Variants in DMBT1 observed in about 807,000 individuals in gnomAD.
The protein encoded by DMBT1 is deleted in malignant brain tumors 1.
In DMBT1, 198 loss-of-function variants were observed where a neutral mutation model predicts 252.9. That is an observed-to-expected ratio of 0.78 (90% CI 0.70 to 0.88). The LOEUF (loss-of-function observed/expected upper bound fraction) is 0.88, where lower values mean the gene tolerates loss of function less well. Ranked by LOEUF, DMBT1 falls within the 40% of genes least tolerant of loss-of-function variation. The probability of loss-of-function intolerance (pLI) is 0.00; values close to 1 mark genes in which losing one functional copy is unlikely to be tolerated. For synonymous variants in DMBT1, 990 were observed against 942.7 expected, an observed-to-expected ratio of 1.05 and a Z score of -0.92; for missense variants, 2,432 against 2,404.7, an observed-to-expected ratio of 1.01 and a Z score of -0.24.
chr10:122,570,512 C>T (rs920436254), intron 3 of DMBT1, among the ~76,000 whole-genome samples: 5 of 152,180 alleles, frequency 3.3e-5, no homozygotes, highest in African/African-American at 4.8e-5. Flanking sequence ...ACCACCTTCT[C>T]GGGAATATTT....
Position 122,577,790 on chromosome 10 carries a change from G to A in DMBT1, c.608-21G>A, listed in dbSNP as rs1437529085. The A allele has an allele frequency of 5.0e-6, 8 of 1,613,630 alleles. No homozygotes were observed. In the Admixed American group the frequency reaches 1.0e-4, roughly 20 times the overall value. ...AGTCACTGAGTGTTTGGTGTCTAAT[G>A]TTGCTATTTTTTTCTCACAGCTGCC... On this transcript the variant is annotated intron_variant, in intron 7 of 55. Coordinates refer to ENST00000338354, the MANE Select transcript of DMBT1 (RefSeq NM_001377530.1).
chr10:122,626,882 G>C (rs890307799), intron 46 of DMBT1, among the ~76,000 whole-genome samples: 2 of 152,172 alleles, frequency 1.3e-5, no homozygotes, highest in African/African-American at 4.8e-5. Flanking sequence ...GTTAATAGAG[G>C]AGCAGGTTCA....
At chr10:122,589,363 A>G (rs981973834) in intron 17 of DMBT1, 96 bp downstream of exon 17, 15 of 1,523,230 alleles carry the variant, frequency 9.8e-6, no homozygotes, top group South Asian at 6.5e-5. Context: ...AGCTTTTTCA[A>G]CCTTTCCTAT....
At chr10:122,618,376 T>C (rs2098021967) in intron 41 of DMBT1, 36 bp downstream of exon 41, 2 of 1,613,632 alleles carry the variant, frequency 1.2e-6, no homozygotes, top group Middle Eastern at 1.7e-4. Flanking sequence ...CTCTCTTAAG[T>C]TGAAGTTTGC....
chr10:122,618,450 A>C, intron 41 of DMBT1, 110 bp downstream of exon 41: 1 of 1,558,886 alleles, frequency 6.4e-7, no homozygotes. Context: ...TGTTTTCTAT[A>C]TTTCTGAAGT....
chr10:122,600,567 G>C (rs1423203896), intron 27 of DMBT1, among the ~76,000 whole-genome samples: 1 of 152,204 alleles, frequency 6.6e-6, no homozygotes, highest in Non-Finnish European at 1.5e-5. Flanking sequence ...CTTGGGCAGG[G>C]AGAGGGATAA....
chr10:122,617,175 T>C (rs3019533), intron 39 of DMBT1, 53 bp from the exon 40 acceptor site: 90,674 of 1,571,314 alleles, frequency 0.058, 6,998 homozygotes, highest in East Asian at 0.32. Context: ...TTTTGTTCTG[T>C]GCCTTTTCCC....
intron 46 of DMBT1, among the ~76,000 whole-genome samples, 192 bp downstream of exon 46, chr10:122,626,157 G>A (rs529543610): frequency 6.6e-6 from 1 of 152,280 alleles, no homozygotes; most frequent in African/African-American, 2.4e-5. Context: ...TAGACTTAAA[G>A]GCTTTTATTT....
chr10:122,626,564 T>C (rs1363034625), intron 46 of DMBT1, among the ~76,000 whole-genome samples: 1 of 152,226 alleles, frequency 6.6e-6, no homozygotes. Context: ...GTCATTGTAG[T>C]GCCTGGTACA....
intron 3 of DMBT1, among the ~76,000 whole-genome samples, 158 bp from the exon 4 acceptor site, chr10:122,570,732 C>T (rs777412503): frequency 7.2e-5 from 11 of 152,202 alleles, no homozygotes; most frequent in Middle Eastern, 3.4e-3. Flanking sequence ...GGAGCCAGTA[C>T]GGTAACACAG....
Position 122,585,400 on chromosome 10 carries a change from G to A in DMBT1, c.1459+91G>A, listed in dbSNP as rs1055116150. The A allele has an allele frequency of 1.4e-5, 21 of 1,467,368 alleles. 1 individual carries two copies. The African/African-American group carries it at 1.8e-4, about 12-fold the overall frequency. The allele number at this position is 1,467,368 out of a possible 1,614,324, so 90.9% of individuals were successfully genotyped here. A position where few individuals can be genotyped will look rare whatever the true frequency, so the allele number is the denominator to read the frequency against. On this transcript the variant is annotated intron_variant, in intron 15 of 55. Coordinates refer to ENST00000338354, the MANE Select transcript of DMBT1 (RefSeq NM_001377530.1). ...AATGATAGGATGAGGGTCAAGGTGG[G>A]CCCCTCTGTTTTTCATGTCCCTGTG...
intron 2 of DMBT1, among the ~76,000 whole-genome samples, chr10:122,569,483 CA>C (rs1421838770): frequency 6.6e-6 from 1 of 152,186 alleles, no homozygotes; most frequent in Non-Finnish European, 1.5e-5. Flanking sequence ...GTGTGGACAC[CA>C]AGGGGTCCTT....
At chr10:122,638,041 G>T (rs1191292090) in intron 54 of DMBT1, among the ~76,000 whole-genome samples, 3 of 152,204 alleles carry the variant, frequency 2.0e-5, no homozygotes, top group African/African-American at 7.2e-5. Context: ...TTTTAGCATA[G>T]AAAGTCCCAC....
intron 26 of DMBT1, among the ~76,000 whole-genome samples, chr10:122,599,679 C>T (rs1297770259): frequency 1.3e-5 from 2 of 152,210 alleles, no homozygotes; most frequent in East Asian, 3.9e-4. Flanking sequence ...AGGGCAGCCC[C>T]CATGAGGCCG....
At chr10:122,569,954 A>G (rs977111571) in intron 2 of DMBT1, among the ~76,000 whole-genome samples, 12 of 152,128 alleles carry the variant, frequency 7.9e-5, no homozygotes, top group African/African-American at 2.9e-4. Context: ...TGGGGAGGGT[A>G]ACAGGAGCAA....
chr10:122,586,624 C>T (rs964114122), intron 16 of DMBT1, among the ~76,000 whole-genome samples: 3 of 148,300 alleles, frequency 2.0e-5, no homozygotes, highest in Non-Finnish European at 3.0e-5. Flanking sequence ...ACTGAGGCAG[C>T]GCAAGCAGAG....
intron 9 of DMBT1, 33 bp downstream of exon 9, chr10:122,578,792 A>G: frequency 6.3e-7 from 1 of 1,577,002 alleles, no homozygotes; most frequent in South Asian, 1.2e-5. Context: ...CCTGGGGCTC[A>G]CTTTCTACCT....
Position 122,636,145 on chromosome 10 carries a change from A to T in DMBT1, c.6703A>T (p.Thr2235Ser). The change falls in exon 53 of 56, where the codon ACA becomes TCA. Residue 2235 changes from threonine (T) to serine (S), a missense_variant. Physicochemically the swap from Thr to Ser is moderately conservative, Grantham distance 58. Around this residue, in one of 3 missense-constraint regions of DMBT1, gnomAD observed 1,162 missense variants for 1,169.0 expected, o/e 0.99. Coordinates refer to ENST00000338354, the MANE Select transcript of DMBT1 (RefSeq NM_001377530.1). ...TCGCTTCATCAGTGACCACAGCATC[A>T]CAAGGAGAGGGTTCCGGGCTGAGTA... ...SIRFISDHSI[T>S]RRGFRAEYYS... 3.7e-6 allele frequency: 6 copies of T among 1,613,946 alleles called. No homozygotes were observed. Among genetic ancestry groups the T allele is most frequent in the Non-Finnish European group, 5.1e-6 (6 of 1,179,884 alleles).
intron 49 of DMBT1, 123 bp from the exon 50 acceptor site, chr10:122,631,732 A>T: frequency 1.0e-6 from 1 of 986,908 alleles, no homozygotes. Context: ...TGCTGGGTGG[A>T]CCTGGGGACC....
Sources: allele counts gnomAD v4.1 joint callset (sites outside exome capture counted in the v4.1 genomes callset), GRCh38; gene constraint gnomAD v4.1.1; regional missense constraint gnomAD v4.1.1; transcripts MANE v1.5; gene names NCBI Gene and HGNC (gene_info 2026-07-23, HGNC 2026-07-21).